Variants in NPEPPS observed in about 807,000 individuals in gnomAD.
The protein encoded by NPEPPS is aminopeptidase puromycin sensitive.
Under a neutral mutation model 115.5 loss-of-function variants are expected in NPEPPS, and 14 were observed. The ratio of observed to expected loss-of-function variants is 0.12; its 90% CI spans 0.08 to 0.19. NPEPPS has a LOEUF of 0.19. Ranked by LOEUF, NPEPPS falls within the 10% of genes least tolerant of loss-of-function variation. The pLI, the probability that NPEPPS is intolerant of heterozygous loss-of-function variation, is 1.00. For synonymous variants in NPEPPS, 285 were observed against 390.6 expected (o/e 0.73, Z 3.19); for missense variants, 523 against 1,110.8 (o/e 0.47, Z 7.52).
chr17:47,595,400 A>G (rs749555090), intron 12 of NPEPPS, among the ~76,000 whole-genome samples: 1 of 152,236 alleles, frequency 6.6e-6, no homozygotes, highest in African/African-American at 2.4e-5. Flanking sequence ...TTGAATGGGT[A>G]TAACGGTCTT....
chr17:47,603,590 G>GTCC (rs1173200676), intron 15 of NPEPPS: 1 of 193,592 alleles, frequency 5.2e-6, no homozygotes, highest in Non-Finnish European at 1.1e-5. Flanking sequence ...AGATTCCACT[G>GTCC]TCCAGGTGTT....
chr17:47,612,716 T>G (rs536260983), intron 18 of NPEPPS, 114 bp downstream of exon 18: 199 of 969,972 alleles, frequency 2.1e-4, no homozygotes, highest in East Asian at 6.7e-4. Context: ...CAGGCTGGAG[T>G]GCAGTGGCAT....
At chr17:47,571,761 A>G (rs1229128787) in intron 3 of NPEPPS, among the ~76,000 whole-genome samples, 2 of 152,126 alleles carry the variant, frequency 1.3e-5, no homozygotes, top group Non-Finnish European at 2.9e-5. Context: ...TGCCATGAAC[A>G]TGTATTAAAA....
In NPEPPS at chr17:47,535,282, T is replaced by C. The variant is rs372550819; in HGVS notation, c.255+3727T>C. ...AAAAAAAAAAAAAGGCTGGGCGCGG[T>C]GGCTCACGCCTGTAATCCCAGCACT... On this transcript the variant is annotated intron_variant, in intron 1 of 22. Coordinates refer to ENST00000322157, the MANE Select transcript of NPEPPS (RefSeq NM_006310.4). Among the ~76,000 whole-genome samples, 8 of 128,526 alleles carry C rather than the reference T, an allele frequency of 6.2e-5. No individual in the cohort carries two copies. In the East Asian group the frequency reaches 1.4e-3, roughly 23 times the overall value. The allele number at this position is 128,526 out of a possible 152,430, so 84.3% of individuals were successfully genotyped here.
chr17:47,532,577 C>CG (rs932997870), intron 1 of NPEPPS, among the ~76,000 whole-genome samples: 10 of 143,376 alleles, frequency 7.0e-5, no homozygotes, highest in African/African-American at 2.6e-4. Context: ...CACTTGAACC[C>CG]GGGGGGCAGA....
intron 2 of NPEPPS, among the ~76,000 whole-genome samples, chr17:47,556,624 G>A (rs1339373825): frequency 1.3e-5 from 2 of 152,144 alleles, no homozygotes; most frequent in Non-Finnish European, 2.9e-5. Context: ...TGGCGGCCGG[G>A]CAGAGGGGCT....
At chr17:47,543,199 A>T (rs571149278) in intron 1 of NPEPPS, among the ~76,000 whole-genome samples, 1 of 151,864 alleles carries the variant, frequency 6.6e-6, no homozygotes, top group Non-Finnish European at 1.5e-5. Flanking sequence ...AGCAGTTCAC[A>T]GTGGAAAAAC....
chr17:47,546,307 T>C (rs2143714400), intron 2 of NPEPPS, among the ~76,000 whole-genome samples: 1 of 152,130 alleles, frequency 6.6e-6, no homozygotes, highest in South Asian at 2.1e-4. Context: ...GTGCCTGTAG[T>C]CCCAGCTATT....
chr17:47,531,940 G>A (rs1017329686), intron 1 of NPEPPS, among the ~76,000 whole-genome samples: 55 of 152,206 alleles, frequency 3.6e-4, no homozygotes, highest in African/African-American at 1.3e-3. Flanking sequence ...GGAGGACGGA[G>A]AGGTCATGGG....
chr17:47,557,797 G>A (rs1597834695), intron 2 of NPEPPS, among the ~76,000 whole-genome samples: 1 of 149,296 alleles, frequency 6.7e-6, no homozygotes, highest in East Asian at 2.0e-4. Context: ...ATTAAAATAT[G>A]TAATTTGATA....
intron 3 of NPEPPS, among the ~76,000 whole-genome samples, chr17:47,575,235 T>C (rs1385145536): frequency 1.3e-5 from 2 of 152,190 alleles, no homozygotes; most frequent in Non-Finnish European, 2.9e-5. Flanking sequence ...TACCCTGCTT[T>C]TGTAAGCATT....
intron 12 of NPEPPS, among the ~76,000 whole-genome samples, chr17:47,595,040 C>T (rs961674319): frequency 2.0e-5 from 3 of 152,168 alleles, no homozygotes; most frequent in African/African-American, 7.2e-5. Flanking sequence ...AAGTGATTCT[C>T]CTGTCTCAGC....
chr17:47,582,612 C>G, intron 4 of NPEPPS, 130 bp from the exon 5 acceptor site: 1 of 717,042 alleles, frequency 1.4e-6, no homozygotes, highest in Non-Finnish European at 2.5e-6. Flanking sequence ...GGCTTGTTGC[C>G]TGGCACTGAA....
intron 18 of NPEPPS, 70 bp from the exon 19 acceptor site, chr17:47,613,599 C>T (rs1597893768): frequency 8.7e-6 from 11 of 1,270,870 alleles, no homozygotes; most frequent in African/African-American, 1.5e-5. Flanking sequence ...TGCTTTCTGT[C>T]TTTTCTTAGT....
chr17:47,612,835 G>T, intron 18 of NPEPPS, among the ~76,000 whole-genome samples: 1 of 151,934 alleles, frequency 6.6e-6, no homozygotes, highest in East Asian at 1.9e-4. Flanking sequence ...GCTAATTTTT[G>T]TATTTTCAGT....
chr17:47,536,011 G>T (rs1908220823), intron 1 of NPEPPS, among the ~76,000 whole-genome samples: 1 of 151,494 alleles, frequency 6.6e-6, no homozygotes, highest in East Asian at 1.9e-4. Context: ...TGATTTTTTT[G>T]TATTTTTAGT....
intron 16 of NPEPPS, 94 bp from the exon 17 acceptor site, chr17:47,605,239 G>T: frequency 1.2e-6 from 1 of 813,668 alleles, no homozygotes; most frequent in Middle Eastern, 3.5e-4. Context: ...TTAAACCAAA[G>T]AAATTGCTAG....
chr17:47,544,254 T>G (rs1909019286), intron 1 of NPEPPS, among the ~76,000 whole-genome samples: 1 of 152,008 alleles, frequency 6.6e-6, no homozygotes, highest in Non-Finnish European at 1.5e-5. Flanking sequence ...GCCAGGCTGG[T>G]CTTGAATTCC....
In NPEPPS at chr17:47,593,294, G is replaced by T. The variant is rs1912629144; in HGVS notation, c.1426+749G>T. ...TAAAGAGTCTGGGCCGGGTGTGGTG[G>T]CTCACGCCTGTAATCCTAGCACTTT... On this transcript the variant is annotated intron_variant, in intron 12 of 22. Coordinates refer to ENST00000322157, the MANE Select transcript of NPEPPS (RefSeq NM_006310.4). 4.6e-5 allele frequency among the ~76,000 whole-genome samples: 7 copies of T among 152,164 alleles called. 1 individual carries two copies. In the South Asian group the frequency reaches 1.4e-3, roughly 31 times the overall value.
Sources: gnomAD v4.1 joint callset for allele counts (sites outside exome capture counted in the v4.1 genomes callset) on GRCh38, gnomAD v4.1.1 for gene constraint, MANE v1.5 for transcripts, NCBI Gene and HGNC (gene_info 2026-07-23, HGNC 2026-07-21) for gene names.